LMX1A: variants seen among roughly 807,000 people sequenced by gnomAD.
LMX1A encodes the protein LIM homeobox transcription factor 1-alpha.
LMX1A carries 15 observed loss-of-function variants against 49.1 expected under a neutral mutation model. The observed-to-expected ratio is 0.31, with a 90% CI of 0.20 to 0.47. The LOEUF is 0.47. Among genes scored for constraint, LMX1A ranks in the 20% least tolerant of loss-of-function variants. The pLI is 1.00. For synonymous variants in LMX1A, 167 were observed against 185.7 expected, an observed-to-expected ratio of 0.90 and a Z score of 0.82; for missense variants, 372 against 475.8, an observed-to-expected ratio of 0.78 and a Z score of 2.03.
chr1:165,228,185 T>A (rs955718915), intron 4 of LMX1A, among the ~76,000 whole-genome samples: 1 of 151,946 alleles, frequency 6.6e-6, no homozygotes, highest in African/African-American at 2.4e-5. Context: ...GAGAAGTCAG[T>A]AGTGATGGAT....
chr1:165,229,527 A>G (rs1652166662), intron 4 of LMX1A, among the ~76,000 whole-genome samples: 1 of 152,230 alleles, frequency 6.6e-6, no homozygotes, highest in Non-Finnish European at 1.5e-5. Flanking sequence ...ACCAGTTACT[A>G]CAACATGGTC....
At chr1:165,341,229 C>T (rs1306646187) in intron 3 of LMX1A, among the ~76,000 whole-genome samples, 1 of 152,142 alleles carries the variant, frequency 6.6e-6, no homozygotes, top group African/African-American at 2.4e-5. Context: ...ACCCTAAATG[C>T]TCTTGATGTT....
chr1:165,207,995 G>T, intron 7 of LMX1A, 68 bp downstream of exon 7: 1 of 1,355,334 alleles, frequency 7.4e-7, no homozygotes, highest in Non-Finnish European at 1.0e-6. Context: ...GAGCTGGGTA[G>T]TGGGAGGCCT....
At chr1:165,345,063 T>A (rs1571234847) in intron 3 of LMX1A, among the ~76,000 whole-genome samples, 1 of 152,170 alleles carries the variant, frequency 6.6e-6, no homozygotes, top group South Asian at 2.1e-4. Context: ...ATGACAACAA[T>A]GCTAAGAATG....
At chr1:165,230,923 C>T (rs1652218391) in intron 4 of LMX1A, among the ~76,000 whole-genome samples, 1 of 152,122 alleles carries the variant, frequency 6.6e-6, no homozygotes, top group African/African-American at 2.4e-5. Flanking sequence ...AGAACTCTTG[C>T]CCACTGCCCA....
intron 7 of LMX1A, among the ~76,000 whole-genome samples, chr1:165,206,900 A>T (rs1184781580): frequency 6.6e-6 from 1 of 152,202 alleles, no homozygotes; most frequent in Non-Finnish European, 1.5e-5. Context: ...TAAGAAACTA[A>T]GGGAACTCTT....
intron 6 of LMX1A, among the ~76,000 whole-genome samples, chr1:165,208,555 C>T (rs1651197524): frequency 6.6e-6 from 1 of 152,220 alleles, no homozygotes; most frequent in Non-Finnish European, 1.5e-5. Context: ...TCTGCTGGCC[C>T]TTAAGATTGA....
At chr1:165,217,117 C>T (rs1018275557) in intron 4 of LMX1A, among the ~76,000 whole-genome samples, 7 of 152,184 alleles carry the variant, frequency 4.6e-5, no homozygotes, top group African/African-American at 9.7e-5. Flanking sequence ...GTGTTCATTT[C>T]TCTCTCTTTG....
At chr1:165,267,077 C>T (rs1438815487) in intron 3 of LMX1A, among the ~76,000 whole-genome samples, 2 of 152,068 alleles carry the variant, frequency 1.3e-5, no homozygotes, top group Non-Finnish European at 1.5e-5. Flanking sequence ...CAATGTAGTA[C>T]AACTACCACC....
Position 165,249,563 on chromosome 1 carries a change from A to G in LMX1A, c.341T>C (p.Val114Ala). The part of the protein sequence containing the change: ...NEFVMRAQKS[V>A]YHLSCFCCCV... ...GCAGCAGAAGCAGCTCAGGTGGTAT[A>G]CACTCTTCTGGGCCCGCATAACAAA... is the stretch of plus-strand genomic sequence containing the variant. The change falls in exon 4 of 9, where the codon GTA (valine) becomes GCA (alanine). Residue 114 changes from valine to alanine, a missense_variant. By Grantham distance (64) the Val-to-Ala change is moderately conservative. Around this residue, in one of 3 missense-constraint regions of LMX1A, gnomAD observed 199 missense variants for 244.0 expected, o/e 0.82. Coordinates refer to ENST00000342310, the MANE Select transcript of LMX1A (RefSeq NM_177398.4). 6.2e-7 allele frequency: 1 copy of G among 1,614,164 alleles called. No homozygotes were observed. Among genetic ancestry groups the G allele is most frequent in the Non-Finnish European group, 8.5e-7 (1 of 1,180,026 alleles).
chr1:165,211,668 G>C (rs1571148426), intron 5 of LMX1A, among the ~76,000 whole-genome samples: 2 of 152,168 alleles, frequency 1.3e-5, no homozygotes, highest in African/African-American at 4.8e-5. Flanking sequence ...GGAATGATTA[G>C]AACAGGTTTT....
intron 3 of LMX1A, among the ~76,000 whole-genome samples, chr1:165,302,386 G>A (rs533707617): frequency 6.6e-6 from 1 of 152,070 alleles, no homozygotes. Context: ...GGAGGTTGCA[G>A]TAAGCCAAGA....
rs542050970 is a variant in LMX1A, at chr1:165,219,700, C to T, written c.497-5887G>A. 5.3e-5 allele frequency among the ~76,000 whole-genome samples: 8 copies of T among 152,316 alleles called. No homozygotes were observed. In the East Asian group the frequency reaches 1.5e-3, roughly 29 times the overall value. ...ACATAGTTCTTCAAGGGAGTTTCTA[C>T]TCAGACCAAAAACAGTTTCTGGTAA... On this transcript the variant is annotated intron_variant, in intron 4 of 8. Transcript: ENST00000342310.
At position 165,298,674 on chromosome 1, in the gene LMX1A, C is replaced by T. The variant is rs184909684; in HGVS notation, c.264-49034G>A. ...GGTGGCATTTTCTGTTATGAACCCA[C>T]ATAAGGTGTAACTTCCCCATAAAAG... On this transcript the variant is annotated intron_variant, in intron 3 of 8. Transcript: ENST00000342310. Among the ~76,000 whole-genome samples, 19 of 152,334 alleles carry T rather than the reference C, an allele frequency of 1.2e-4. No homozygotes were observed. The East Asian group carries it at 3.7e-3, about 29-fold the overall frequency.
At chr1:165,250,466 C>G (rs958127015) in intron 3 of LMX1A, among the ~76,000 whole-genome samples, 1 of 152,154 alleles carries the variant, frequency 6.6e-6, no homozygotes, top group Non-Finnish European at 1.5e-5. Flanking sequence ...ATTGTGAATT[C>G]TTAATAAGCT....
chr1:165,278,145 G>C (rs1452451797), intron 3 of LMX1A, among the ~76,000 whole-genome samples: 1 of 152,152 alleles, frequency 6.6e-6, no homozygotes, highest in Non-Finnish European at 1.5e-5. Context: ...AAGTGGCAGA[G>C]CCAGAATTCA....
chr1:165,217,265 G>A (rs1439102213), intron 4 of LMX1A, among the ~76,000 whole-genome samples: 2 of 152,132 alleles, frequency 1.3e-5, no homozygotes, highest in East Asian at 1.9e-4. Context: ...TTTGTTCAGA[G>A]CCCCAGAGGC....
intron 4 of LMX1A, among the ~76,000 whole-genome samples, chr1:165,245,081 C>A (rs1652794685): frequency 6.6e-6 from 1 of 152,042 alleles, no homozygotes; most frequent in Non-Finnish European, 1.5e-5. Flanking sequence ...ACCATAGATT[C>A]TTTTTTAAAA....
intron 3 of LMX1A, among the ~76,000 whole-genome samples, chr1:165,348,465 C>G (rs781558291): frequency 4.8e-4 from 73 of 152,172 alleles, no homozygotes; most frequent in Non-Finnish European, 9.4e-4. Flanking sequence ...ACAAACACAG[C>G]CACGGCCCAT....
Sources: allele counts gnomAD v4.1 joint callset (sites outside exome capture counted in the v4.1 genomes callset), GRCh38; gene constraint gnomAD v4.1.1; regional missense constraint gnomAD v4.1.1; transcripts MANE v1.5; gene names NCBI Gene and HGNC (gene_info 2026-07-23, HGNC 2026-07-21).